Variants in ASIC2 observed in about 807,000 individuals in gnomAD.
ASIC2 encodes the protein acid sensing ion channel subunit 2.
In ASIC2, 25 loss-of-function variants were observed where a neutral mutation model predicts 57.3. The ratio of observed to expected loss-of-function variants is 0.44; its 90% confidence interval spans 0.32 to 0.61. ASIC2 has a LOEUF of 0.61. Ranked by LOEUF, ASIC2 falls within the 20% of genes least tolerant of loss-of-function variation. The pLI, the probability that ASIC2 is intolerant of heterozygous loss-of-function variation, is 0.06. For synonymous variants in ASIC2, 319 were observed against 307.5 expected, an observed-to-expected ratio of 1.04 and a Z score of -0.39; for missense variants, 641 against 738.1, an observed-to-expected ratio of 0.87 and a Z score of 1.52.
chr17:33,248,143 A>G (rs901390833), intron 1 of ASIC2, among the ~76,000 whole-genome samples: 1 of 152,124 alleles, frequency 6.6e-6, no homozygotes, highest in Non-Finnish European at 1.5e-5. Context: ...TTGACTCTCA[A>G]CTTTCAAGAC....
At chr17:33,236,744 G>T (rs1469342599) in intron 1 of ASIC2, among the ~76,000 whole-genome samples, 1 of 152,128 alleles carries the variant, frequency 6.6e-6, no homozygotes, top group Non-Finnish European at 1.5e-5. Flanking sequence ...CTTTATAAGA[G>T]AAAACAGAGG....
chr17:33,755,108 A>G (rs1910556273), intron 1 of ASIC2, among the ~76,000 whole-genome samples: 1 of 152,198 alleles, frequency 6.6e-6, no homozygotes, highest in Non-Finnish European at 1.5e-5. Flanking sequence ...CAAGGTCATC[A>G]AAAGTGTCCT....
chr17:34,113,414 A>G (rs1465429111), intron 1 of ASIC2, among the ~76,000 whole-genome samples: 1 of 151,612 alleles, frequency 6.6e-6, no homozygotes, highest in Non-Finnish European at 1.5e-5. Context: ...TCAAAAAGTT[A>G]GTTGGGCATG....
intron 1 of ASIC2, among the ~76,000 whole-genome samples, chr17:33,668,176 C>T (rs897832927): frequency 6.6e-6 from 1 of 152,080 alleles, no homozygotes; most frequent in African/African-American, 2.4e-5. Context: ...CCCATTGCTC[C>T]CCCTGCCTGG....
At chr17:34,032,252 C>G (rs1019612510) in intron 1 of ASIC2, among the ~76,000 whole-genome samples, 1 of 152,138 alleles carries the variant, frequency 6.6e-6, no homozygotes, top group Non-Finnish European at 1.5e-5. Context: ...ATTTCATATC[C>G]AGCCAAACTA....
chr17:33,298,850 G>T (rs1905830825), intron 1 of ASIC2, among the ~76,000 whole-genome samples: 1 of 152,190 alleles, frequency 6.6e-6, no homozygotes, highest in African/African-American at 2.4e-5. Context: ...TTGCTTCAAA[G>T]CGAATAAAAT....
rs141373772 is a variant in ASIC2, at chr17:34,075,628, C to G, written c.555+80350G>C. Among the ~76,000 whole-genome samples the G allele has an allele frequency of 2.9e-3, 438 of 152,186 alleles. 3 individuals are homozygous for G. The highest frequency in any genetic ancestry group is 0.01 in the African/African-American group (417 of 41,520). On this transcript the variant is annotated intron_variant, in intron 1 of 9. Transcript: ENST00000359872. ...GCACCACATGAAGAAGAAGCTACAA[C>G]AGCCCACCCAATCTAGCCCCCATCA...
chr17:33,828,500 G>A (rs1913008837), intron 1 of ASIC2: 1 of 152,108 alleles, frequency 6.6e-6, no homozygotes, highest in Admixed American at 6.5e-5. Flanking sequence ...ACAAGAAAGA[G>A]GTAAGATTAT....
intron 1 of ASIC2, among the ~76,000 whole-genome samples, chr17:34,109,023 T>C (rs1911169251): frequency 1.1e-5 from 1 of 92,208 alleles, no homozygotes; most frequent in Non-Finnish European, 2.6e-5. Flanking sequence ...TCTTTTTTTA[T>C]TTGTTGATTT....
intron 1 of ASIC2, among the ~76,000 whole-genome samples, chr17:33,112,575 G>A (rs2092264053): frequency 6.6e-6 from 1 of 152,078 alleles, no homozygotes. Flanking sequence ...TCTGTCCCAG[G>A]GAACAGCATC....
At chr17:33,720,517 C>G (rs887700105) in intron 1 of ASIC2, among the ~76,000 whole-genome samples, 2 of 152,178 alleles carry the variant, frequency 1.3e-5, no homozygotes, top group African/African-American at 4.8e-5. Flanking sequence ...GATTCATGAA[C>G]ATATGTCTTG....
intron 1 of ASIC2, among the ~76,000 whole-genome samples, chr17:33,757,303 C>G (rs1910633488): frequency 6.6e-6 from 1 of 152,168 alleles, no homozygotes; most frequent in Admixed American, 6.5e-5. Flanking sequence ...TAGTTACTAG[C>G]AGATTCTCCT....
chr17:33,676,633 T>A lies in ASIC2; in HGVS notation c.555+479345A>T, dbSNP rs565239657. Among the ~76,000 whole-genome samples the A allele has an allele frequency of 1.4e-4, 22 of 152,296 alleles. No homozygotes were observed. The South Asian group carries it at 3.9e-3, about 27-fold the overall frequency. ...AGAGGTGAGGAAGCTGCAGAAGTAG[T>A]TTGAAGCTAGCAGAGAGAGGCTGGT... is the stretch of plus-strand genomic sequence containing the variant. On this transcript the variant is annotated intron_variant, in intron 1 of 9. Transcript: ENST00000359872.
chr17:33,751,332 A>C (rs1433048217), intron 1 of ASIC2, among the ~76,000 whole-genome samples: 1 of 152,172 alleles, frequency 6.6e-6, no homozygotes, highest in Non-Finnish European at 1.5e-5. Context: ...ACTGCCAGGA[A>C]TTGTTCTGGG....
chr17:33,560,118 G>A (rs542044363), intron 1 of ASIC2, among the ~76,000 whole-genome samples: 1 of 152,300 alleles, frequency 6.6e-6, no homozygotes, highest in South Asian at 2.1e-4. Context: ...GTCGAGGCAA[G>A]GCAAGGAAAG....
At chr17:33,375,203 G>A (rs900928830) in intron 1 of ASIC2, among the ~76,000 whole-genome samples, 1 of 152,058 alleles carries the variant, frequency 6.6e-6, no homozygotes, top group African/African-American at 2.4e-5. Context: ...TCTTATCAAG[G>A]TTTGTCAGAT....
intron 1 of ASIC2, chr17:34,071,241 T>G (rs970249563): frequency 6.6e-6 from 1 of 152,164 alleles, no homozygotes; most frequent in Admixed American, 6.5e-5. Flanking sequence ...CGCAGGGATG[T>G]AGGCCTAGAT....
At chr17:33,804,045 T>C (rs1912205584) in intron 1 of ASIC2, among the ~76,000 whole-genome samples, 1 of 152,178 alleles carries the variant, frequency 6.6e-6, no homozygotes, top group Non-Finnish European at 1.5e-5. Context: ...CCATGTTCTC[T>C]CCCTTTGAAG....
At chr17:33,305,576 T>C (rs184136994) in intron 1 of ASIC2, among the ~76,000 whole-genome samples, 4 of 152,230 alleles carry the variant, frequency 2.6e-5, no homozygotes, top group African/African-American at 4.8e-5. Context: ...AATGATGTCA[T>C]TTAATGTTGG....
Sources: allele counts gnomAD v4.1 joint callset (sites outside exome capture counted in the v4.1 genomes callset), GRCh38; gene constraint gnomAD v4.1.1; transcripts MANE v1.5; gene names NCBI Gene and HGNC (gene_info 2026-07-23, HGNC 2026-07-21).